INPP4B: variants seen among roughly 807,000 people sequenced by gnomAD.
The protein encoded by INPP4B is inositol polyphosphate 4-phosphatase type II.
In INPP4B, 55 loss-of-function variants were observed where a neutral mutation model predicts 122.5. That is an observed-to-expected ratio of 0.45 (90% CI 0.36 to 0.56). The LOEUF (loss-of-function observed/expected upper bound fraction) is 0.56, where lower values mean the gene tolerates loss of function less well. INPP4B is among the 20% of genes least tolerant of loss of function. INPP4B has a pLI of 0.00. For missense variants in INPP4B, 1,000 were observed against 1,097.7 expected, an observed-to-expected ratio of 0.91 and a Z score of 1.26; for synonymous variants, 403 against 388.7, an observed-to-expected ratio of 1.04 and a Z score of -0.43.
At chr4:142,758,376 A>G (rs925471068) in intron 1 of INPP4B, among the ~76,000 whole-genome samples, 6 of 152,170 alleles carry the variant, frequency 3.9e-5, no homozygotes, top group African/African-American at 1.4e-4. Flanking sequence ...CAGGCAAAAG[A>G]ATCTCAGATC....
intron 2 of INPP4B, among the ~76,000 whole-genome samples, chr4:142,639,624 T>C (rs1278790789): frequency 2.6e-5 from 4 of 152,148 alleles, no homozygotes; most frequent in African/African-American, 9.7e-5. Flanking sequence ...AGGCAGAATT[T>C]GTTAGATAAA....
intron 1 of INPP4B, among the ~76,000 whole-genome samples, chr4:142,773,468 C>T (rs2151005892): frequency 6.6e-6 from 1 of 152,234 alleles, no homozygotes; most frequent in South Asian, 2.1e-4. Flanking sequence ...TACACATATG[C>T]ACACACACAA....
chr4:142,069,695 A>G (rs578256498), intron 25 of INPP4B, among the ~76,000 whole-genome samples: 1 of 152,238 alleles, frequency 6.6e-6, no homozygotes, highest in Non-Finnish European at 1.5e-5. Context: ...ATCAGAGAAT[A>G]CTATAAACAC....
intron 25 of INPP4B, among the ~76,000 whole-genome samples, chr4:142,056,877 G>A (rs1356135313): frequency 6.6e-6 from 1 of 152,070 alleles, no homozygotes; most frequent in African/African-American, 2.4e-5. Context: ...AGTGAAAAGA[G>A]TAAATTAGGG....
intron 2 of INPP4B, among the ~76,000 whole-genome samples, chr4:142,465,377 C>T (rs780323934): frequency 1.1e-4 from 17 of 152,160 alleles, no homozygotes; most frequent in South Asian, 8.3e-4. Flanking sequence ...GCAAACAAGA[C>T]GTTATTTAAC....
intron 8 of INPP4B, among the ~76,000 whole-genome samples, chr4:142,308,512 C>T (rs1764267376): frequency 6.6e-6 from 1 of 152,080 alleles, no homozygotes; most frequent in Non-Finnish European, 1.5e-5. Context: ...TTGTTTTCTT[C>T]ACCTCAGTAT....
intron 7 of INPP4B, among the ~76,000 whole-genome samples, chr4:142,326,343 G>A (rs1013162952): frequency 1.3e-5 from 2 of 152,150 alleles, no homozygotes; most frequent in Admixed American, 6.5e-5. Flanking sequence ...GGAGCTCTTC[G>A]CACTGGAAAG....
chr4:142,386,709 A>G (rs1316555699), intron 7 of INPP4B, among the ~76,000 whole-genome samples: 2 of 152,048 alleles, frequency 1.3e-5, no homozygotes, highest in African/African-American at 4.8e-5. Flanking sequence ...ATCTTTTTCC[A>G]CTATGTGGCT....
intron 2 of INPP4B, among the ~76,000 whole-genome samples, chr4:142,690,246 A>G (rs1404198656): frequency 6.6e-6 from 1 of 152,186 alleles, no homozygotes; most frequent in Non-Finnish European, 1.5e-5. Context: ...TTGAGCCAAC[A>G]AGGTGCTGTG....
At chr4:142,130,844 G>A (rs1800887156) in intron 18 of INPP4B, among the ~76,000 whole-genome samples, 1 of 152,140 alleles carries the variant, frequency 6.6e-6, no homozygotes, top group Admixed American at 6.5e-5. Flanking sequence ...TCATGTCCAG[G>A]GAACCTTGTT....
chr4:142,333,021 AAAAAAAC>A (rs1775256773), intron 7 of INPP4B, among the ~76,000 whole-genome samples: 2 of 150,340 alleles, frequency 1.3e-5, no homozygotes, highest in Non-Finnish European at 3.0e-5. Flanking sequence ...AAAAAAAAAA[AAAAAAAC>A]AAAAAAAAAA....
At chr4:142,070,327 G>A (rs1304142836) in intron 25 of INPP4B, among the ~76,000 whole-genome samples, 1 of 152,058 alleles carries the variant, frequency 6.6e-6, no homozygotes, top group African/African-American at 2.4e-5. Context: ...GGTATTGATG[G>A]GACATGTCTC....
chr4:142,065,063 AG>A (rs1294417274), intron 25 of INPP4B, among the ~76,000 whole-genome samples: 2 of 152,202 alleles, frequency 1.3e-5, no homozygotes, highest in African/African-American at 4.8e-5. Flanking sequence ...TATAGTGAAT[AG>A]TTTATGTGAT....
At chr4:142,091,597 C>A (rs1246876297) in intron 23 of INPP4B, among the ~76,000 whole-genome samples, 1 of 152,168 alleles carries the variant, frequency 6.6e-6, no homozygotes, top group African/African-American at 2.4e-5. Context: ...CAGTCACACA[C>A]CCCAGTCACA....
chr4:142,776,495 T>C (rs1458517445), intron 1 of INPP4B, among the ~76,000 whole-genome samples: 1 of 152,160 alleles, frequency 6.6e-6, no homozygotes, highest in Non-Finnish European at 1.5e-5. Context: ...GAAGCTTCAG[T>C]GCTCATCATT....
chr4:142,359,582 A>C (rs935792311), intron 7 of INPP4B, among the ~76,000 whole-genome samples: 1 of 152,004 alleles, frequency 6.6e-6, no homozygotes, highest in African/African-American at 2.4e-5. Flanking sequence ...ACAAAGGAAA[A>C]ACAAAGCAGT....
Position 142,381,400 on chromosome 4 carries a change from G to C in INPP4B, c.372+21538C>G, listed in dbSNP as rs575711608. Among the ~76,000 whole-genome samples, 22 of 152,098 alleles carry C rather than the reference G, an allele frequency of 1.4e-4. 2 individuals are homozygous for C. In the South Asian group the frequency reaches 4.6e-3, roughly 32 times the overall value. On this transcript the variant is annotated intron_variant, in intron 7 of 25. Coordinates refer to ENST00000262992, the MANE Select transcript of INPP4B (RefSeq NM_001101669.3). ...TGATTTGGATTTGTTTTACTGAAGA[G>C]AGCTTCCTCAAATCCTTTGCTCCAT...
intron 1 of INPP4B, among the ~76,000 whole-genome samples, chr4:142,835,194 G>A (rs1782632390): frequency 1.3e-5 from 2 of 152,126 alleles, no homozygotes; most frequent in African/African-American, 2.4e-5. Flanking sequence ...CTGGAATTGA[G>A]GAGTAGATAA....
At chr4:142,390,952 C>G (rs1042604832) in intron 7 of INPP4B, among the ~76,000 whole-genome samples, 1 of 152,154 alleles carries the variant, frequency 6.6e-6, no homozygotes, top group Non-Finnish European at 1.5e-5. Context: ...CTCTTCAATA[C>G]AGGTTTCTAG....
Sources: allele counts gnomAD v4.1 joint callset (sites outside exome capture counted in the v4.1 genomes callset), GRCh38; gene constraint gnomAD v4.1.1; transcripts MANE v1.5; gene names NCBI Gene and HGNC (gene_info 2026-07-23, HGNC 2026-07-21).